EPHX4: variants seen among roughly 807,000 people sequenced by gnomAD.
The protein encoded by EPHX4 is abhydrolase domain containing 7.
A neutral mutation model predicts 44.9 loss-of-function variants in EPHX4; 31 were observed. The ratio of observed to expected loss-of-function variants is 0.69; its 90% CI spans 0.52 to 0.93. The LOEUF is 0.93. Among genes scored for constraint, EPHX4 ranks in the 40% least tolerant of loss-of-function variants. EPHX4 has a pLI of 0.00. For synonymous variants in EPHX4, 151 were observed against 159.7 expected (o/e 0.95, Z 0.41); for missense variants, 373 against 438.1 (o/e 0.85, Z 1.33).
At chr1:92,056,904 T>C (rs1647382282) in intron 6 of EPHX4, among the ~76,000 whole-genome samples, 1 of 152,064 alleles carries the variant, frequency 6.6e-6, no homozygotes, top group Non-Finnish European at 1.5e-5. Flanking sequence ...TAGAAATCAA[T>C]AACAATAGCA....
chr1:92,034,109 G>A (rs1322862525), intron 2 of EPHX4, among the ~76,000 whole-genome samples: 4 of 142,832 alleles, frequency 2.8e-5, no homozygotes, highest in South Asian at 2.3e-4. Context: ...TGGCTAACAC[G>A]GTGAAACCCT....
Position 92,063,334 on chromosome 1 carries a change from T to G in EPHX4, c.*48T>G, listed in dbSNP as rs1647540260. ...GGTCTGTAATGAAATCTCTAAATAA[T>G]TTTTAAAAATTGTTCATCAACTTCT... is the stretch of plus-strand genomic sequence containing the variant. On this transcript the variant is annotated 3_prime_UTR_variant, in exon 7 of 7. Coordinates refer to ENST00000370383, the MANE Select transcript of EPHX4 (RefSeq NM_173567.5). The G allele has an allele frequency of 7.4e-7, 1 of 1,342,578 alleles. No homozygotes were observed. The highest frequency in any genetic ancestry group is 9.9e-7 in the Non-Finnish European group (1 of 1,012,556). The allele number at this position is 1,342,578 out of a possible 1,614,324, so 83.2% of individuals were successfully genotyped here.
chr1:92,046,623 T>C (rs957165277), intron 4 of EPHX4, among the ~76,000 whole-genome samples: 13 of 151,926 alleles, frequency 8.6e-5, no homozygotes, highest in South Asian at 2.1e-4. Context: ...GCCACCATGC[T>C]TGGCTAATTT....
chr1:92,047,145 C>T (rs1438711992), intron 4 of EPHX4, among the ~76,000 whole-genome samples: 1 of 152,204 alleles, frequency 6.6e-6, no homozygotes, highest in Non-Finnish European at 1.5e-5. Context: ...ACATGATAGG[C>T]TCACTTTGTT....
intron 5 of EPHX4, among the ~76,000 whole-genome samples, chr1:92,050,976 G>A (rs1647238743): frequency 6.6e-6 from 1 of 152,086 alleles, no homozygotes; most frequent in South Asian, 2.1e-4. Flanking sequence ...GGGACTACAG[G>A]CATGTGCCAC....
At position 92,050,412 on chromosome 1, in the gene EPHX4, G is replaced by T; in HGVS notation, c.700G>T (p.Asp234Tyr). The T allele has an allele frequency of 1.3e-6, 2 of 1,564,064 alleles. No individual in the cohort carries two copies. Among genetic ancestry groups the T allele is most frequent in the Non-Finnish European group, 1.7e-6 (2 of 1,143,678 alleles). The change falls in exon 5 of 7, where the codon GAT becomes TAT. Residue 234 changes from aspartate (D) to tyrosine (Y), a missense_variant. By Grantham distance (160) the Asp-to-Tyr change is radical. Coordinates refer to ENST00000370383, the MANE Select transcript of EPHX4 (RefSeq NM_173567.5). ...WFPEFMFSIN[D>Y]FKVLKHLFTS... The stretch of plus-strand genomic sequence containing the variant: ...CCCAGAATTTATGTTCTCAATAAAT[G>T]ATTTCAAGGTAAGCCAAACAAATCA...
At chr1:92,031,403 T>C (rs1688358311) in intron 1 of EPHX4, among the ~76,000 whole-genome samples, 2 of 152,180 alleles carry the variant, frequency 1.3e-5, no homozygotes, top group East Asian at 1.9e-4. Context: ...ACCTGAGGGG[T>C]AAAAGTAGTA....
chr1:92,035,630 T>C (rs1357317543), intron 2 of EPHX4, among the ~76,000 whole-genome samples: 1 of 152,226 alleles, frequency 6.6e-6, no homozygotes, highest in Non-Finnish European at 1.5e-5. Context: ...TTATTTTAAG[T>C]TCTGGAATAC....
chr1:92,051,898 T>C (rs924238441), intron 5 of EPHX4, among the ~76,000 whole-genome samples: 3 of 152,252 alleles, frequency 2.0e-5, no homozygotes, highest in Admixed American at 1.3e-4. Context: ...AATTCTGCTG[T>C]AAAGAATTTT....
In EPHX4 at chr1:92,030,490, G is replaced by GTGTGTGTGTGTGTGTGTGTGTGTGTGT. The variant is rs1383490491; in HGVS notation, c.231+180_231+181insTGTGTGTGTGTGTGTGTGTGTGTGTGT. Among the ~76,000 whole-genome samples, 470 of 127,674 alleles carry GTGTGTGTGTGTGTGTGTGTGTGTGTGT rather than the reference G, an allele frequency of 3.7e-3. 4 individuals carry two copies. The highest frequency in any genetic ancestry group is 4.4e-3 in the African/African-American group (144 of 32,820). 83.8% of individuals were successfully genotyped at this position (127,674 alleles called of 152,430 possible). A position where few individuals can be genotyped will look rare whatever the true frequency, so the allele number is the denominator to read the frequency against. On this transcript the variant is annotated intron_variant, in intron 1 of 6. Transcript: ENST00000370383. ...TGTGTGTGTGTGTGTGTGTGTGAGAGAGAGAGAGAGAGAGAGAGATACAGA... is the reference window on the plus strand; with the variant it reads ...TGTGTGTGTGTGTGTGTGTGTGAGAGTGTGTGTGTGTGTGTGTGTGTGTGTGTAGAGAGAGAGAGAGAGAGATACAGA...
At chr1:92,056,771 A>G (rs1647379464) in intron 6 of EPHX4, among the ~76,000 whole-genome samples, 1 of 151,940 alleles carries the variant, frequency 6.6e-6, no homozygotes, top group Non-Finnish European at 1.5e-5. Context: ...GTGAGCCACC[A>G]TACCCAGCCT....
intron 2 of EPHX4, among the ~76,000 whole-genome samples, chr1:92,042,083 AG>A (rs370801684): frequency 6.6e-6 from 1 of 152,136 alleles, no homozygotes; most frequent in African/African-American, 2.4e-5. Flanking sequence ...CTTATTGGCC[AG>A]ACATGTTAGC....
chr1:92,050,677 G>C (rs192537354), intron 5 of EPHX4, among the ~76,000 whole-genome samples: 2 of 152,022 alleles, frequency 1.3e-5, no homozygotes, highest in Admixed American at 6.5e-5. Flanking sequence ...ATAGGGAGAT[G>C]AGGGAATACA....
At chr1:92,036,292 GA>G (rs1316199967) in intron 2 of EPHX4, among the ~76,000 whole-genome samples, 1 of 152,124 alleles carries the variant, frequency 6.6e-6, no homozygotes, top group African/African-American at 2.4e-5. Context: ...CAGGGCAGTA[GA>G]TGCTCTCTGT....
intron 2 of EPHX4, among the ~76,000 whole-genome samples, chr1:92,036,436 G>A (rs1688437752): frequency 6.6e-6 from 1 of 152,214 alleles, no homozygotes; most frequent in African/African-American, 2.4e-5. Context: ...AACAGCCTAG[G>A]AGGGGGTCCA....
At chr1:92,030,464 G>GTC in intron 1 of EPHX4, among the ~76,000 whole-genome samples, 154 bp downstream of exon 1, 1 of 141,248 alleles carries the variant, frequency 7.1e-6, no homozygotes, top group African/African-American at 2.7e-5. Context: ...TGTCGTGTGT[G>GTC]TGTGTGTGTG....
At chr1:92,032,474 A>G in intron 1 of EPHX4, 31 bp from the exon 2 acceptor site, 1 of 1,530,962 alleles carries the variant, frequency 6.5e-7, no homozygotes, top group Non-Finnish European at 9.0e-7. Flanking sequence ...CAACACAAAC[A>G]TCACTAAAAT....
intron 2 of EPHX4, among the ~76,000 whole-genome samples, chr1:92,040,607 G>A (rs1420904534): frequency 6.6e-6 from 1 of 152,060 alleles, no homozygotes. Context: ...TTACAGGCGT[G>A]AGCCACCGCA....
At chr1:92,045,717 C>T in intron 4 of EPHX4, 57 bp downstream of exon 4, 4 of 1,601,138 alleles carry the variant, frequency 2.5e-6, no homozygotes, top group Non-Finnish European at 2.6e-6. Flanking sequence ...ACTCTTGCCA[C>T]TGACCTTTTG....
Sources: gnomAD v4.1 joint callset for allele counts (sites outside exome capture counted in the v4.1 genomes callset) on GRCh38, gnomAD v4.1.1 for gene constraint, MANE v1.5 for transcripts, NCBI Gene and HGNC (gene_info 2026-07-23, HGNC 2026-07-21) for gene names.